Variants in PLEKHH1 observed in about 807,000 individuals in gnomAD.
PLEKHH1 encodes the protein pleckstrin homology domain-containing family H member 1.
A neutral mutation model predicts 160.0 loss-of-function variants in PLEKHH1; 104 were observed. The observed-to-expected ratio is 0.65, with a 90% CI of 0.55 to 0.76. The LOEUF (loss-of-function observed/expected upper bound fraction) is 0.76. Among genes scored for constraint, PLEKHH1 ranks in the 30% least tolerant of loss-of-function variants. The pLI is 0.00. For missense variants in PLEKHH1, 1,427 were observed against 1,724.1 expected, an observed-to-expected ratio of 0.83 and a Z score of 3.05; for synonymous variants, 619 against 678.4, an observed-to-expected ratio of 0.91 and a Z score of 1.36.
chr14:67,585,545 A>C (rs768075930), intron 26 of PLEKHH1, 23 bp from the exon 27 acceptor site: 1 of 1,498,564 alleles, frequency 6.7e-7, no homozygotes, highest in Non-Finnish European at 9.1e-7. Context: ...GATATATCTG[A>C]TGGGTTGTTT....
intron 9 of PLEKHH1, chr14:67,570,396 A>G (rs534330756): frequency 1.4e-4 from 69 of 476,648 alleles, no homozygotes; most frequent in Admixed American, 1.8e-4. Context: ...AAAATCAGAT[A>G]GAATTGCAAT....
intron 2 of PLEKHH1, among the ~76,000 whole-genome samples, chr14:67,550,687 T>C (rs889178119): frequency 7.2e-5 from 11 of 152,306 alleles, no homozygotes; most frequent in African/African-American, 2.4e-4. Context: ...GGCCAGATCT[T>C]TTGATTTTTT....
chr14:67,551,228 T>C (rs2046897236), intron 2 of PLEKHH1, among the ~76,000 whole-genome samples: 1 of 152,160 alleles, frequency 6.6e-6, no homozygotes, highest in Non-Finnish European at 1.5e-5. Context: ...CAGGACACTC[T>C]GGAGAGAAAG....
chr14:67,573,479 C>A lies in PLEKHH1; in HGVS notation c.1839+93C>A. ...GGGACGGAGGAGGGGGAATGTGGCCCAAGGCCAGAGGGCAAAGGTCTGGCA... is the reference window on the plus strand; with the variant it reads ...GGGACGGAGGAGGGGGAATGTGGCCAAAGGCCAGAGGGCAAAGGTCTGGCA... On this transcript the variant is annotated intron_variant, in intron 12 of 28. Transcript: ENST00000329153. This position sits in a 1 kb window ranked among gnomAD's most constrained non-coding sequence, Gnocchi z 4.8. 1.1e-6 allele frequency: 1 copy of A among 872,398 alleles called. No individual in the cohort carries two copies. The highest frequency in any genetic ancestry group is 1.8e-6 in the Non-Finnish European group (1 of 544,310). The allele number at this position is 872,398 out of a possible 1,614,324, so 54.0% of individuals were successfully genotyped here. A position where few individuals can be genotyped will look rare whatever the true frequency, so the allele number is the denominator to read the frequency against.
chr14:67,584,532 C>T (rs2036057083), intron 26 of PLEKHH1, among the ~76,000 whole-genome samples: 1 of 152,196 alleles, frequency 6.6e-6, no homozygotes, highest in Admixed American at 6.5e-5. Context: ...TGTATGAAGG[C>T]CAGGTGGCCA....
At chr14:67,583,558 T>C (rs1054127689) in intron 24 of PLEKHH1, among the ~76,000 whole-genome samples, 183 bp from the exon 25 acceptor site, 1 of 152,226 alleles carries the variant, frequency 6.6e-6, no homozygotes, top group Non-Finnish European at 1.5e-5. Context: ...TCGAGGGCCC[T>C]AAGTTTGTTT....
At position 67,579,190 on chromosome 14, in the gene PLEKHH1, G is replaced by A. The variant is rs751321343; in HGVS notation, c.2906G>A (p.Arg969Gln). The change falls in exon 21 of 29, where the codon CGG (arginine) becomes CAG (glutamine). Residue 969 changes from arginine to glutamine, a missense_variant. This residue lies in a region of PLEKHH1 where 436 missense variants were observed against 607.5 expected (regional missense o/e 0.72). Coordinates refer to ENST00000329153, the MANE Select transcript of PLEKHH1 (RefSeq NM_020715.3). Reference sequence around the variant, plus strand: ...CAGCGGGCAGTGGAGCGGACCCTGCGGACCGGGGAGCGGGAAGCCAGGCCA... The same window carrying A: ...CAGCGGGCAGTGGAGCGGACCCTGCAGACCGGGGAGCGGGAAGCCAGGCCA... ...YCQRAVERTL[R>Q]TGEREARPSR... 23 of 1,610,548 alleles carry A rather than the reference G, an allele frequency of 1.4e-5. No individual in the cohort carries two copies. The South Asian group carries it at 1.4e-4, about 10-fold the overall frequency.
In PLEKHH1 at chr14:67,570,083, G is replaced by C. The variant is rs974058679; in HGVS notation, c.1434+71G>C. 5.6e-6 allele frequency: 6 copies of C among 1,076,840 alleles called. No homozygotes were observed. In the Admixed American group the frequency reaches 5.9e-5, roughly 11 times the overall value. 66.7% of individuals were successfully genotyped at this position (1,076,840 alleles called of 1,614,324 possible). A position where few individuals can be genotyped will look rare whatever the true frequency, so the allele number is the denominator to read the frequency against. ...CCCTGGCCTCATCATCCAATGACTG[G>C]GGCGGGGCTCTAGGGCCAGGCTTCT... On this transcript the variant is annotated intron_variant, in intron 9 of 28. Transcript: ENST00000329153.
chr14:67,564,905 G>A (rs1367608464), intron 7 of PLEKHH1, among the ~76,000 whole-genome samples: 1 of 151,998 alleles, frequency 6.6e-6, no homozygotes, highest in Non-Finnish European at 1.5e-5. Context: ...TGCCCTGGCT[G>A]GTCTCGAACT....
intron 2 of PLEKHH1, among the ~76,000 whole-genome samples, chr14:67,546,973 G>A (rs1435274018): frequency 6.6e-6 from 1 of 152,096 alleles, no homozygotes; most frequent in African/African-American, 2.4e-5. Context: ...CCAACAGAGT[G>A]ACTGGAAAGC....
At position 67,582,363 on chromosome 14, in the gene PLEKHH1, C is replaced by T; in HGVS notation, c.3426+153C>T. Reference sequence around the variant, plus strand: ...TGGGATGGAAAGCAGCTGACTTCTACAGATCAGAGCTCCTCACTCACCGCA... The same window carrying T: ...TGGGATGGAAAGCAGCTGACTTCTATAGATCAGAGCTCCTCACTCACCGCA... On this transcript the variant is annotated intron_variant, in intron 24 of 28. Coordinates refer to ENST00000329153, the MANE Select transcript of PLEKHH1 (RefSeq NM_020715.3). The surrounding 1 kb of genome is among the most constrained non-coding windows in gnomAD (Gnocchi z 5.0). The T allele has an allele frequency of 7.8e-7, 1 of 1,280,086 alleles. No homozygotes were observed. Among genetic ancestry groups the T allele is most frequent in the Non-Finnish European group, 1.1e-6 (1 of 918,652 alleles). 79.3% of individuals were successfully genotyped at this position (1,280,086 alleles called of 1,614,324 possible).
intron 23 of PLEKHH1, 118 bp downstream of exon 23, chr14:67,581,156 C>T: frequency 4.4e-6 from 3 of 679,240 alleles, no homozygotes; most frequent in Non-Finnish European, 8.0e-6. Context: ...AGATATAACA[C>T]TGCCTGGCAG....
intron 15 of PLEKHH1, 152 bp from the exon 16 acceptor site, chr14:67,575,671 C>G (rs1223979762): frequency 1.4e-6 from 1 of 718,230 alleles, no homozygotes; most frequent in African/African-American, 1.8e-5. Context: ...ATTCTGCTGC[C>G]AGCCTGGCTG....
intron 2 of PLEKHH1, among the ~76,000 whole-genome samples, chr14:67,554,938 G>A (rs2034535349): frequency 6.6e-6 from 1 of 152,044 alleles, no homozygotes; most frequent in Admixed American, 6.6e-5. Context: ...TTTGAGACAG[G>A]ACCTTGCTGT....
At chr14:67,559,412 A>G (rs903445999) in intron 4 of PLEKHH1, among the ~76,000 whole-genome samples, 196 bp from the exon 5 acceptor site, 3 of 152,166 alleles carry the variant, frequency 2.0e-5, no homozygotes. Flanking sequence ...CGTGGTGAAC[A>G]CTTAGACTAT....
intron 7 of PLEKHH1, among the ~76,000 whole-genome samples, chr14:67,564,575 A>T (rs1376123697): frequency 6.6e-6 from 1 of 151,848 alleles, no homozygotes; most frequent in East Asian, 1.9e-4. Flanking sequence ...CTCCTACTTC[A>T]GCCTTCTAAG....
chr14:67,579,619 G>C (rs559886289), intron 21 of PLEKHH1, 102 bp from the exon 22 acceptor site: 2 of 1,157,336 alleles, frequency 1.7e-6, no homozygotes, highest in African/African-American at 3.1e-5. Flanking sequence ...TTTTGTATTT[G>C]CCCTTGCTCC....
rs1160734700 is a variant in PLEKHH1, at chr14:67,587,077, G to T, written c.3937G>T (p.Ala1313Ser). The change falls in exon 29 of 29, where the codon GCA becomes TCA. Residue 1313 changes from alanine to serine, a missense_variant. Physicochemically the swap from Ala to Ser is moderately conservative, Grantham distance 99. This residue lies in a region of PLEKHH1 where 96 missense variants were observed against 97.6 expected (regional missense o/e 0.98). Coordinates refer to ENST00000329153, the MANE Select transcript of PLEKHH1 (RefSeq NM_020715.3). ...CACATCTCTGACCTCCTCTTAGATT[G>T]CAGAAGCTACCTTCATCATGGCCAG... ...LIFRMAAPKI[A>S]EATFIMASYM... 2 of 1,599,758 alleles carry T rather than the reference G, an allele frequency of 1.3e-6. No individual in the cohort carries two copies. Among genetic ancestry groups the T allele is most frequent in the Non-Finnish European group, 1.7e-6 (2 of 1,172,380 alleles).
chr14:67,582,340 G>C lies in PLEKHH1; in HGVS notation c.3426+130G>C, dbSNP rs2035941207. 9.3e-6 allele frequency: 14 copies of C among 1,498,694 alleles called. No homozygotes were observed. Among genetic ancestry groups the C allele is most frequent in the Non-Finnish European group, 1.3e-5 (14 of 1,104,050 alleles). The allele number at this position is 1,498,694 out of a possible 1,614,324, so 92.8% of individuals were successfully genotyped here. On this transcript the variant is annotated intron_variant, in intron 24 of 28. Coordinates refer to ENST00000329153, the MANE Select transcript of PLEKHH1 (RefSeq NM_020715.3). The surrounding 1 kb of genome is among the most constrained non-coding windows in gnomAD (Gnocchi z 5.0). ...GGAGAGGGCAGCTTTGCCATCTCTG[G>C]GATGGAAAGCAGCTGACTTCTACAG...
Sources: gnomAD v4.1 joint callset for allele counts (sites outside exome capture counted in the v4.1 genomes callset) on GRCh38, gnomAD v4.1.1 for gene constraint, gnomAD v4.1.1 regional missense constraint, Gnocchi (gnomAD v3.1) non-coding constraint, MANE v1.5 for transcripts, NCBI Gene and HGNC (gene_info 2026-07-23, HGNC 2026-07-21) for gene names.